Variants in TRPS1 observed in about 807,000 individuals in gnomAD.
TRPS1 encodes transcriptional repressor GATA binding 1.
In TRPS1, 6 loss-of-function variants were observed where a neutral mutation model predicts 101.2. The observed-to-expected ratio is 0.06, with a 90% CI of 0.03 to 0.12. The LOEUF (loss-of-function observed/expected upper bound fraction) is 0.12, where lower values mean the gene tolerates loss of function less well. TRPS1 is among the 10% of genes least tolerant of loss of function. TRPS1 has a pLI of 1.00. For synonymous variants in TRPS1, 578 were observed against 589.8 expected (o/e 0.98, Z 0.29); for missense variants, 1,363 against 1,567.0 (o/e 0.87, Z 2.20).
intron 5 of TRPS1, among the ~76,000 whole-genome samples, chr8:115,482,618 A>G (rs1814782009): frequency 6.6e-6 from 1 of 152,206 alleles, no homozygotes; most frequent in Non-Finnish European, 1.5e-5. Context: ...AAACCCCAAC[A>G]AAGTTGGGAT....
rs767630324 is a variant in TRPS1, at chr8:115,604,206, T to G, written c.1763A>C (p.Glu588Ala). 28 of 1,614,084 alleles carry G rather than the reference T, an allele frequency of 1.7e-5. No individual in the cohort carries two copies. Among genetic ancestry groups the G allele is most frequent in the Non-Finnish European group, 2.4e-5 (28 of 1,179,988 alleles). Reference protein sequence around the residue: ...PFCPRGLCSPEKHLGEITYPF... With the variant: ...PFCPRGLCSPAKHLGEITYPF... Reference sequence around the variant, plus strand: ...ATAAGTAATTTCTCCAAGGTGCTTTTCTGGGCTGCAAAGTCCTCTGGGACA... The same window carrying G: ...ATAAGTAATTTCTCCAAGGTGCTTTGCTGGGCTGCAAAGTCCTCTGGGACA... Residue 588 changes from glutamate (E) to alanine (A), a missense_variant, in exon 4 of 7, where the codon GAA (glutamate) becomes GCA (alanine). Glu to Ala is a moderately radical substitution (Grantham distance 107, BLOSUM62 -1). Around this residue, in one of 5 missense-constraint regions of TRPS1, gnomAD observed 1,020 missense variants for 1,073.0 expected, o/e 0.95. Coordinates refer to ENST00000395715, the MANE Select transcript of TRPS1 (RefSeq NM_014112.5). This position sits in a 1 kb window ranked among gnomAD's most constrained non-coding sequence, Gnocchi z 4.1.
chr8:115,619,208 C>G lies in TRPS1; in HGVS notation c.890G>C (p.Arg297Pro). ...CTGCAGCACACCAGAAAACACAGAA[C>G]GGTTGACCTTCTGGAAGTCTTTGGA... ...SHSKDFQKVN[R>P]SVFSGVLQDI... The change falls in exon 3 of 7, where the codon CGT becomes CCT. Residue 297 changes from arginine to proline, a missense_variant. Physicochemically the swap from Arg to Pro is moderately radical, Grantham distance 103. This residue lies in a region of TRPS1 where 1,020 missense variants were observed against 1,073.0 expected (regional missense o/e 0.95). Coordinates refer to ENST00000395715, the MANE Select transcript of TRPS1 (RefSeq NM_014112.5). 6.2e-7 allele frequency: 1 copy of G among 1,614,118 alleles called. No homozygotes were observed. The highest frequency in any genetic ancestry group is 1.1e-5 in the South Asian group (1 of 91,070).
intron 5 of TRPS1, among the ~76,000 whole-genome samples, chr8:115,442,700 G>A (rs536671390): frequency 4.3e-4 from 65 of 152,008 alleles, no homozygotes; most frequent in Non-Finnish European, 7.5e-4. Context: ...AGGGGCTCAC[G>A]CCTGTAATTC....
intron 3 of TRPS1, among the ~76,000 whole-genome samples, chr8:115,611,259 G>A (rs1029699299): frequency 6.6e-6 from 1 of 152,114 alleles, no homozygotes; most frequent in East Asian, 1.9e-4. Flanking sequence ...CAACCTGCAG[G>A]TGCTGCTGGT....
At chr8:115,608,187 A>G (rs902363831) in intron 3 of TRPS1, among the ~76,000 whole-genome samples, 16 of 152,302 alleles carry the variant, frequency 1.1e-4, no homozygotes, top group African/African-American at 3.8e-4. Flanking sequence ...CAGAATAGAG[A>G]GCAGAGCTTT....
chr8:115,523,502 A>G (rs1008460447), intron 5 of TRPS1, among the ~76,000 whole-genome samples: 32 of 152,156 alleles, frequency 2.1e-4, no homozygotes, highest in Admixed American at 7.2e-4. Flanking sequence ...ACTGCACTCC[A>G]GCCTGGGCAA....
intron 5 of TRPS1, among the ~76,000 whole-genome samples, chr8:115,568,203 T>C (rs895722869): frequency 1.3e-5 from 2 of 152,126 alleles, no homozygotes; most frequent in African/African-American, 4.8e-5. Context: ...ACACATTTTA[T>C]ATAAGAATGA....
chr8:115,646,290 T>C lies in TRPS1; in HGVS notation c.-122+22255A>G, dbSNP rs183226996. On this transcript the variant is annotated intron_variant, in intron 1 of 6. Transcript: ENST00000395715. ...CTGCATTCTAGAGAAATTATAGAAT[T>C]ACTTTAAGACTGGTTTTATTCCAAC... Among the ~76,000 whole-genome samples the C allele has an allele frequency of 3.7e-3, 568 of 152,272 alleles. 18 individuals carry two copies. The highest frequency in any genetic ancestry group is 0.033 in the Admixed American group (510 of 15,300).
At chr8:115,507,391 A>G (rs1161143004) in intron 5 of TRPS1, among the ~76,000 whole-genome samples, 2 of 152,110 alleles carry the variant, frequency 1.3e-5, no homozygotes, top group African/African-American at 4.8e-5. Flanking sequence ...GGTGCTGCCA[A>G]TTCTGGTTGT....
At chr8:115,458,626 G>A (rs1002130877) in intron 5 of TRPS1, among the ~76,000 whole-genome samples, 1 of 152,162 alleles carries the variant, frequency 6.6e-6, no homozygotes, top group Non-Finnish European at 1.5e-5. Context: ...AGATGTGACT[G>A]AGAACAAGTG....
At chr8:115,515,149 C>A in intron 5 of TRPS1, 1 of 673,146 alleles carries the variant, frequency 1.5e-6, no homozygotes, top group African/African-American at 1.8e-5. Context: ...AAGACAAAGA[C>A]ATATTCAATG....
chr8:115,515,148 A>G (rs900777215), intron 5 of TRPS1: 5 of 673,248 alleles, frequency 7.4e-6, no homozygotes, highest in African/African-American at 7.2e-5. Flanking sequence ...GAAGACAAAG[A>G]CATATTCAAT....
intron 5 of TRPS1, among the ~76,000 whole-genome samples, chr8:115,557,094 G>C (rs573246471): frequency 6.6e-6 from 1 of 152,224 alleles, no homozygotes; most frequent in Non-Finnish European, 1.5e-5. Context: ...CAAAGAGAGA[G>C]AGCTTGTGCA....
chr8:115,501,362 T>A (rs571435206), intron 5 of TRPS1, among the ~76,000 whole-genome samples: 1 of 152,184 alleles, frequency 6.6e-6, no homozygotes, highest in Non-Finnish European at 1.5e-5. Context: ...AGTAGGGAGA[T>A]AAGCATGCAA....
chr8:115,596,715 ATATGTATGTATACATACATC>A lies in TRPS1; in HGVS notation c.2096+7138_2096+7157del, dbSNP rs577104895. Among the ~76,000 whole-genome samples, 214 of 151,954 alleles carry A rather than the reference ATATGTATGTATACATACATC, an allele frequency of 1.4e-3. 2 individuals carry two copies. The highest frequency in any genetic ancestry group is 5.0e-3 in the African/African-American group (207 of 41,550). On this transcript the variant is annotated intron_variant, in intron 4 of 6. Coordinates refer to ENST00000395715, the MANE Select transcript of TRPS1 (RefSeq NM_014112.5). ...ATACATATATCTATGTGCATATATCATATGTATGTATACATACATCTATGTATGTGTATATTTCAGATGTA... is the reference window on the plus strand; with the variant it reads ...ATACATATATCTATGTGCATATATCATATGTATGTGTATATTTCAGATGTA...
chr8:115,618,709 A>G (rs189440346), intron 3 of TRPS1, among the ~76,000 whole-genome samples: 1 of 152,356 alleles, frequency 6.6e-6, no homozygotes, highest in Admixed American at 6.5e-5. Context: ...CTAATCCAAG[A>G]TACAGGAAAT....
chr8:115,667,887 G>A (rs1260459755), intron 1 of TRPS1: 1 of 1,535,530 alleles, frequency 6.5e-7, no homozygotes, highest in South Asian at 1.2e-5. Flanking sequence ...TCTGCATGCT[G>A]GTGCCTAGTC....
At chr8:115,558,750 C>T (rs3808444) in intron 5 of TRPS1, among the ~76,000 whole-genome samples, 100,368 of 152,006 alleles carry the variant, frequency 0.66, 33,863 homozygotes, top group East Asian at 0.83. Flanking sequence ...AAATTGCATA[C>T]GCTTTTGGAG....
chr8:115,648,196 C>T (rs571520770), intron 1 of TRPS1, among the ~76,000 whole-genome samples: 1 of 152,092 alleles, frequency 6.6e-6, no homozygotes, highest in African/African-American at 2.4e-5. Context: ...GGCAGGCTGG[C>T]CAGGGGATGC....
Sources: allele counts gnomAD v4.1 joint callset (sites outside exome capture counted in the v4.1 genomes callset), GRCh38; gene constraint gnomAD v4.1.1; regional missense constraint gnomAD v4.1.1; non-coding constraint Gnocchi (gnomAD v3.1); transcripts MANE v1.5; gene names NCBI Gene and HGNC (gene_info 2026-07-23, HGNC 2026-07-21).